The following RFC3 variants were observed in gnomAD, a reference collection of about 807,000 sequenced individuals.
RFC3 encodes replication factor C subunit 3, also known as A1 38 kDa subunit.
In RFC3, 41 loss-of-function variants were observed where a neutral mutation model predicts 45.1. That is an observed-to-expected ratio of 0.91 (90% confidence interval 0.71 to 1.18). The LOEUF is 1.18. RFC3 is among the 50% of genes most tolerant of loss of function. The pLI is 0.00. For synonymous variants in RFC3, 149 were observed against 144.0 expected (o/e 1.03, Z -0.25); for missense variants, 423 against 428.1 (o/e 0.99, Z 0.10).
intron 8 of RFC3, among the ~76,000 whole-genome samples, chr13:33,888,335 A>G (rs998137930): frequency 8.5e-5 from 13 of 152,208 alleles, no homozygotes; most frequent in Non-Finnish European, 1.3e-4. Context: ...ACCCTTCAAG[A>G]CTTACCTCAC....
At chr13:33,923,199 T>C (rs1283919994) in intron 8 of RFC3, among the ~76,000 whole-genome samples, 1 of 152,112 alleles carries the variant, frequency 6.6e-6, no homozygotes, top group East Asian at 1.9e-4. Context: ...CACTGTAATC[T>C]GATTTTGTTC....
intron 8 of RFC3, among the ~76,000 whole-genome samples, chr13:33,949,141 T>C (rs886146880): frequency 3.9e-5 from 6 of 152,070 alleles, no homozygotes; most frequent in African/African-American, 1.4e-4. Flanking sequence ...GTAGAGGTAA[T>C]TGGAGCATGG....
chr13:33,838,250 T>C (rs903202141), downstream of RFC3, among the ~76,000 whole-genome samples: 4 of 152,130 alleles, frequency 2.6e-5, no homozygotes, highest in African/African-American at 9.7e-5. Flanking sequence ...CCCTTTTTTA[T>C]TTCTAATGAT....
At chr13:33,908,157 G>A (rs1409008949) in intron 8 of RFC3, among the ~76,000 whole-genome samples, 1 of 151,710 alleles carries the variant, frequency 6.6e-6, no homozygotes, top group Non-Finnish European at 1.5e-5. Flanking sequence ...AATTTGCACT[G>A]CATTTATCTG....
chr13:33,892,114 C>T (rs2082567707), intron 8 of RFC3, among the ~76,000 whole-genome samples: 1 of 152,182 alleles, frequency 6.6e-6, no homozygotes, highest in Non-Finnish European at 1.5e-5. Context: ...ACTCCATCAT[C>T]ATAACAGTTC....
At chr13:33,861,662 G>A (rs1053763382) in intron 8 of RFC3, among the ~76,000 whole-genome samples, 1 of 149,730 alleles carries the variant, frequency 6.7e-6, no homozygotes, top group Non-Finnish European at 1.5e-5. Context: ...AAAAAAAAAC[G>A]GAAAAATGAT....
intron 8 of RFC3, among the ~76,000 whole-genome samples, chr13:33,952,469 G>C (rs2082996766): frequency 6.6e-6 from 1 of 152,130 alleles, no homozygotes; most frequent in African/African-American, 2.4e-5. Context: ...CTATATCTTA[G>C]CCAGTTCTGA....
Position 33,823,846 on chromosome 13 carries a change from A to G in RFC3, c.226-71A>G, listed in dbSNP as rs2082025332. On this transcript the variant is annotated intron_variant, in intron 2 of 8. Transcript: ENST00000380071. ...TACTTTGTGTAATAAAAGGAAAACC[A>G]ATGAAAATACAAAAGAGTGGGGAAA... is the stretch of plus-strand genomic sequence containing the variant. 5.1e-6 allele frequency: 4 copies of G among 784,316 alleles called. No individual in the cohort carries two copies. In the Admixed American group the frequency reaches 1.1e-4, roughly 22 times the overall value. The allele number at this position is 784,316 out of a possible 1,614,324, so 48.6% of individuals were successfully genotyped here.
At chr13:33,844,627 C>CT (rs2082224470) in intron 8 of RFC3, among the ~76,000 whole-genome samples, 1 of 152,108 alleles carries the variant, frequency 6.6e-6, no homozygotes, top group African/African-American at 2.4e-5. Context: ...CAATTTAACA[C>CT]TAATTTCAAA....
intron 8 of RFC3, among the ~76,000 whole-genome samples, chr13:33,911,163 C>T (rs1031412739): frequency 6.6e-6 from 1 of 152,062 alleles, no homozygotes; most frequent in African/African-American, 2.4e-5. Flanking sequence ...ACAGTTCAAT[C>T]ACCCATTTTA....
downstream of RFC3, among the ~76,000 whole-genome samples, chr13:33,839,943 T>C (rs1242278273): frequency 6.6e-6 from 1 of 152,230 alleles, no homozygotes; most frequent in Admixed American, 6.5e-5. Context: ...ATCTGTGTTT[T>C]GTCTTCTGGG....
intron 8 of RFC3, among the ~76,000 whole-genome samples, chr13:33,925,362 CTATATACATACATAT>C: frequency 8.2e-6 from 1 of 121,228 alleles, no homozygotes; most frequent in Non-Finnish European, 1.6e-5. Context: ...ATATAGTGTA[CTATATACATACATAT>C]AGTGTACTAT....
chr13:33,921,095 A>T (rs997440987), intron 8 of RFC3, among the ~76,000 whole-genome samples: 1 of 152,184 alleles, frequency 6.6e-6, no homozygotes, highest in Non-Finnish European at 1.5e-5. Flanking sequence ...AATCTTGAGT[A>T]TCAAGTAAGT....
intron 8 of RFC3, among the ~76,000 whole-genome samples, chr13:33,942,596 C>T (rs990607743): frequency 6.6e-6 from 1 of 152,204 alleles, no homozygotes; most frequent in East Asian, 1.9e-4. Context: ...TTACAGACTT[C>T]CTGTGATGTC....
At chr13:33,961,753 C>A (rs1361680091) in intron 8 of RFC3, among the ~76,000 whole-genome samples, 1 of 152,128 alleles carries the variant, frequency 6.6e-6, no homozygotes, top group East Asian at 1.9e-4. Context: ...GTCAGAAAGC[C>A]CATGGCCAGA....
At chr13:33,840,709 C>CA (rs554564438), downstream of RFC3, among the ~76,000 whole-genome samples, 452 of 56,144 alleles carry the variant, frequency 8.1e-3, 2 homozygotes, top group African/African-American at 0.013. Context: ...TTTCAATAAA[C>CA]AAAAAATTTT....
intron 8 of RFC3, among the ~76,000 whole-genome samples, chr13:33,928,108 C>T (rs560622383): frequency 6.6e-6 from 1 of 152,136 alleles, no homozygotes; most frequent in Non-Finnish European, 1.5e-5. Context: ...TTCAAATTTC[C>T]ACCGCAGTGA....
At chr13:33,847,241 G>A (rs942075183) in intron 8 of RFC3, 1 of 152,298 alleles carries the variant, frequency 6.6e-6, no homozygotes, top group Non-Finnish European at 1.5e-5. Context: ...GCTGATGGGG[G>A]ATGAGAGAGG....
chr13:33,931,169 A>G (rs1157939444), intron 8 of RFC3, among the ~76,000 whole-genome samples: 2 of 152,134 alleles, frequency 1.3e-5, no homozygotes, highest in African/African-American at 4.8e-5. Context: ...GAATATCCAG[A>G]TCAAAATAGA....
Sources: allele counts gnomAD v4.1 joint callset (sites outside exome capture counted in the v4.1 genomes callset), GRCh38; gene constraint gnomAD v4.1.1; transcripts MANE v1.5; gene names NCBI Gene and HGNC (gene_info 2026-07-23, HGNC 2026-07-21).